Variants in MGMT observed in about 807,000 individuals in gnomAD.
MGMT encodes the protein O-6-methylguanine-DNA methyltransferase.
MGMT carries 14 observed loss-of-function variants against 15.9 expected under a neutral mutation model. That is an observed-to-expected ratio of 0.88 (90% confidence interval 0.58 to 1.37). The LOEUF is 1.37. MGMT is among the 40% of genes most tolerant of loss of function. The pLI, the probability that MGMT is intolerant of heterozygous loss-of-function variation, is 0.00. For missense variants in MGMT, 282 were observed against 268.1 expected (o/e 1.05, Z -0.36); for synonymous variants, 130 against 118.2 (o/e 1.10, Z -0.65).
At chr10:129,634,274 G>T (rs1460304129) in intron 2 of MGMT, among the ~76,000 whole-genome samples, 1 of 151,942 alleles carries the variant, frequency 6.6e-6, no homozygotes, top group East Asian at 1.9e-4. Context: ...AGGTTGTAAG[G>T]CCCCTTATCA....
intron 2 of MGMT, among the ~76,000 whole-genome samples, chr10:129,571,397 C>G: frequency 6.6e-6 from 1 of 152,224 alleles, no homozygotes; most frequent in East Asian, 1.9e-4. Context: ...AAGATGCCTG[C>G]TACCCAGCTC....
At chr10:129,763,362 C>CA (rs1848896955) in intron 4 of MGMT, among the ~76,000 whole-genome samples, 1 of 152,178 alleles carries the variant, frequency 6.6e-6, no homozygotes, top group South Asian at 2.1e-4. Flanking sequence ...AAAATTCACA[C>CA]AAACAGAAGC....
At chr10:129,686,433 G>GGT (rs1223626539) in intron 2 of MGMT, among the ~76,000 whole-genome samples, 1 of 152,022 alleles carries the variant, frequency 6.6e-6, no homozygotes, top group Non-Finnish European at 1.5e-5. Flanking sequence ...GGAGTACAGT[G>GGT]GTGTGATCTC....
At chr10:129,731,509 CCTCCTCAAGCAGTACAG>C (rs2133162784) in intron 3 of MGMT, among the ~76,000 whole-genome samples, 1 of 151,988 alleles carries the variant, frequency 6.6e-6, no homozygotes, top group African/African-American at 2.4e-5. Flanking sequence ...ATGCCGGCTG[CCTCCTCAAGCAGTACAG>C]CTGGGATTAC....
intron 1 of MGMT, among the ~76,000 whole-genome samples, chr10:129,487,863 G>C (rs773091679): frequency 6.6e-6 from 1 of 151,026 alleles, no homozygotes; most frequent in East Asian, 2.0e-4. Context: ...TTTTAAGTTG[G>C]ATCCTAGACA....
chr10:129,735,933 T>TTATAATTTC lies in MGMT; in HGVS notation c.275-23267_275-23259dup, dbSNP rs1362192866. ...GCACTGTGGTCTGAGAGATAGTTTG[T>TTATAATTTC]TATAATTTCTGTTCTTTTACATTTG... On this transcript the variant is annotated intron_variant, in intron 3 of 4. Coordinates refer to ENST00000651593, the MANE Select transcript of MGMT (RefSeq NM_002412.5). Among the ~76,000 whole-genome samples, 3 of 50,986 alleles carry TTATAATTTC rather than the reference T, an allele frequency of 5.9e-5. No homozygotes were observed. The East Asian group carries it at 1.5e-3, about 26-fold the overall frequency. 33.4% of individuals were successfully genotyped at this position (50,986 alleles called of 152,430 possible). A position where few individuals can be genotyped will look rare whatever the true frequency, so the allele number is the denominator to read the frequency against.
intron 1 of MGMT, 81 bp downstream of exon 1, chr10:129,467,377 G>T: frequency 7.1e-7 from 1 of 1,399,930 alleles, no homozygotes; most frequent in East Asian, 3.0e-5. Context: ...GGTCCTGCAG[G>T]CGCCCTCACT....
intron 3 of MGMT, among the ~76,000 whole-genome samples, chr10:129,734,604 A>G (rs1309497775): frequency 2.0e-5 from 3 of 152,034 alleles, no homozygotes; most frequent in Non-Finnish European, 4.4e-5. Context: ...TATGTTGAAT[A>G]GGAGTGGTGA....
chr10:129,764,685 G>A (rs921282919), intron 4 of MGMT, among the ~76,000 whole-genome samples: 26 of 152,246 alleles, frequency 1.7e-4, no homozygotes, highest in African/African-American at 5.8e-4. Context: ...CAGCTGGAGA[G>A]AAAAAGAAGA....
rs1310393119 is a variant in MGMT, at chr10:129,732,449, C to T, written c.274+24406C>T. 7.3e-5 allele frequency among the ~76,000 whole-genome samples: 11 copies of T among 151,534 alleles called. 1 individual carries two copies. Among genetic ancestry groups the T allele is most frequent in the Admixed American group, 2.0e-4 (3 of 15,198 alleles). On this transcript the variant is annotated intron_variant, in intron 3 of 4. Transcript: ENST00000651593. The stretch of plus-strand genomic sequence containing the variant: ...GATAGTTTGCTTAGAATGATGGTTT[C>T]CAACTTCATCCATGTCCCTGCAAAG...
intron 2 of MGMT, among the ~76,000 whole-genome samples, chr10:129,577,886 A>C (rs1846504763): frequency 6.6e-6 from 1 of 152,222 alleles, no homozygotes; most frequent in African/African-American, 2.4e-5. Context: ...ATGAACAGAC[A>C]CTTCTCAAAA....
intron 1 of MGMT, among the ~76,000 whole-genome samples, chr10:129,483,966 C>T (rs1276871615): frequency 6.6e-6 from 1 of 151,956 alleles, no homozygotes; most frequent in African/African-American, 2.4e-5. Flanking sequence ...TCACATATAC[C>T]TTATCCACAT....
intron 3 of MGMT, among the ~76,000 whole-genome samples, chr10:129,756,067 G>T (rs537751601): frequency 6.6e-6 from 1 of 152,206 alleles, no homozygotes; most frequent in African/African-American, 2.4e-5. Flanking sequence ...GATTTCTCCC[G>T]TGACCAGCAT....
At chr10:129,680,527 C>T (rs1044949739) in intron 2 of MGMT, among the ~76,000 whole-genome samples, 5 of 150,656 alleles carry the variant, frequency 3.3e-5, no homozygotes, top group African/African-American at 7.3e-5. Flanking sequence ...TGCTCTCCCC[C>T]GGATCTGAAA....
At chr10:129,520,955 A>ACAGAGCCCCTACGGTGAGGGTG (rs71912420) in intron 1 of MGMT, among the ~76,000 whole-genome samples, 1 of 144,364 alleles carries the variant, frequency 6.9e-6, no homozygotes, top group Admixed American at 6.8e-5. Context: ...AGGTGTGCCT[A>ACAGAGCCCCTACGGTGAGGGTG]CAGAGCCCCT....
intron 2 of MGMT, among the ~76,000 whole-genome samples, chr10:129,553,919 C>T (rs1035116322): frequency 6.6e-6 from 1 of 152,224 alleles, no homozygotes; most frequent in Non-Finnish European, 1.5e-5. Context: ...CTGGCAGGCT[C>T]CTGGGGAAGA....
intron 3 of MGMT, among the ~76,000 whole-genome samples, chr10:129,745,213 G>A (rs2133175231): frequency 6.6e-6 from 1 of 151,956 alleles, no homozygotes; most frequent in Non-Finnish European, 1.5e-5. Context: ...ACTTGGAAAT[G>A]TGTTTTCCCT....
chr10:129,602,633 C>T (rs1234525684), intron 2 of MGMT, among the ~76,000 whole-genome samples: 1 of 152,102 alleles, frequency 6.6e-6, no homozygotes, highest in Non-Finnish European at 1.5e-5. Flanking sequence ...ACTTGTGAAG[C>T]ACAAGATACA....
chr10:129,484,633 C>T (rs1454005074), intron 1 of MGMT, among the ~76,000 whole-genome samples: 1 of 152,080 alleles, frequency 6.6e-6, no homozygotes, highest in East Asian at 1.9e-4. Context: ...TGGGTTATAT[C>T]CCTCTGCTTC....
Sources: allele counts gnomAD v4.1 joint callset (sites outside exome capture counted in the v4.1 genomes callset), GRCh38; gene constraint gnomAD v4.1.1; transcripts MANE v1.5; gene names NCBI Gene and HGNC (gene_info 2026-07-23, HGNC 2026-07-21).